The following VTN variants were observed in gnomAD, a reference collection of about 807,000 sequenced individuals.
The protein encoded by VTN is vitronectin, also known as complement S-protein.
VTN carries 45 observed loss-of-function variants against 55.9 expected under a neutral mutation model. The observed-to-expected ratio is 0.80, with a 90% CI of 0.63 to 1.03. The LOEUF is 1.03. Among genes scored for constraint, VTN ranks in the 50% least tolerant of loss-of-function variants. The pLI, the probability that VTN is intolerant of heterozygous loss-of-function variation, is 0.00. For synonymous variants in VTN, 238 were observed against 242.3 expected (o/e 0.98, Z 0.17); for missense variants, 589 against 638.2 (o/e 0.92, Z 0.83).
chr17:28,367,934 G>T lies in VTN; in HGVS notation c.1105C>A (p.Gln369Lys). 1.2e-6 allele frequency: 2 copies of T among 1,608,218 alleles called. No homozygotes were observed. Among genetic ancestry groups the T allele is most frequent in the East Asian group, 4.5e-5 (2 of 44,714 alleles). The change falls in exon 7 of 8, where the codon CAA becomes AAA. Residue 369 changes from glutamine to lysine, a missense_variant. By Grantham distance (53) the Gln-to-Lys change is moderately conservative. Transcript: ENST00000226218. ...TTGCGGTTGCGATGCCTAAACCTTT[G>T]TTTCTTGGCCAAGGAGGGGCGGGGT... ...MAPRPSLAKK[Q>K]RFRHRNRKGY...
chr17:28,369,735 C>CA lies in VTN; in HGVS notation c.300dup (p.Asp101Ter), dbSNP rs1555583688. The CA allele has an allele frequency of 1.2e-6, 2 of 1,613,814 alleles. No homozygotes were observed. On this transcript the variant is annotated frameshift_variant, in exon 3 of 8. Transcript: ENST00000226218. LOFTEE classifies it high-confidence loss of function. The surrounding 1 kb of genome is among the most constrained non-coding windows in gnomAD (Gnocchi z 5.3). The stretch of plus-strand genomic sequence containing the variant: ...TTCCCTTTGGACTGGGCCTGGAGGT[C>CA]AGAGGTCAGGGAGGGGCCCCCCACC...
intron 5 of VTN, 47 bp downstream of exon 5, chr17:28,368,825 C>T (rs782379172): frequency 5.0e-6 from 8 of 1,612,722 alleles, no homozygotes; most frequent in African/African-American, 1.3e-5. Context: ...GAAAGGAATC[C>T]AAGACTGCTC....
rs1199638972 is a variant in VTN, at chr17:28,369,565, A to G, written c.471T>C (p.Ser157=). The G allele has an allele frequency of 3.1e-6, 5 of 1,612,588 alleles. No individual in the cohort carries two copies. Among genetic ancestry groups the G allele is most frequent in the Admixed American group, 1.7e-5 (1 of 60,028 alleles). Residue 157 remains serine (S), a synonymous_variant, in exon 3 of 8, where the codon AGT becomes AGC. Transcript: ENST00000226218. This position sits in a 1 kb window ranked among gnomAD's most constrained non-coding sequence, Gnocchi z 5.3. ...PQPPAEEELC[S]GKPFDAFTDL... ...CGGTGAAGGCGTCGAAGGGCTTCCC[A>G]CTGCACAGCTCCTCCTCTGCTGGGG...
In VTN at chr17:28,368,517, A is replaced by G. The variant is rs1302626674; in HGVS notation, c.979+4T>C. 2 of 1,613,834 alleles carry G rather than the reference A, an allele frequency of 1.2e-6. No homozygotes were observed. The highest frequency in any genetic ancestry group is 1.7e-6 in the Non-Finnish European group (2 of 1,179,964). ...GAGAAGCAAGACTTGCCCTCTCTCC[A>G]TACCAGAGGTTCTGCCCCAGAAGAG... On this transcript the variant is annotated splice_donor_region_variant and intron_variant, in intron 6 of 7. Transcript: ENST00000226218.
intron 7 of VTN, 47 bp downstream of exon 7, chr17:28,367,659 GGGACAGCAA>G: frequency 1.3e-6 from 2 of 1,559,794 alleles, no homozygotes; most frequent in South Asian, 2.3e-5. Flanking sequence ...TTGTGCACCA[GGGACAGCAA>G]GGAAAACCCA....
In VTN at chr17:28,368,929, CTGCAT is replaced by C. The variant is rs781927346; in HGVS notation, c.764_768del (p.Asp255GlyfsTer8). 9.9e-6 allele frequency: 16 copies of C among 1,608,710 alleles called. No homozygotes were observed. Among genetic ancestry groups the C allele is most frequent in the African/African-American group, 1.3e-5 (1 of 74,508 alleles). ...TAGCTATGGGCAGGGAGGGCCAAGG[CTGCAT>C]CCACGTTGTCCGGGATGCCATCGAA... On this transcript the variant is annotated frameshift_variant, in exon 5 of 8. Coordinates refer to ENST00000226218, the MANE Select transcript of VTN (RefSeq NM_000638.4). LOFTEE classifies it high-confidence loss of function.
In VTN at chr17:28,367,884, G is replaced by C; in HGVS notation, c.1155C>G (p.His385Gln). The C allele has an allele frequency of 6.2e-7, 1 of 1,613,790 alleles. No homozygotes were observed. Among genetic ancestry groups the C allele is most frequent in the Non-Finnish European group, 8.5e-7 (1 of 1,179,834 alleles). ...NRKGYRSQRGHSRGRNQNSRR... is the reference protein window; with the variant it reads ...NRKGYRSQRGQSRGRNQNSRR... ...GGGAGTTCTGGTTGCGGCCACGGCT[G>C]TGGCCTCGTTGTGAACGGTAGCCTT... Residue 385 changes from histidine to glutamine, a missense_variant, in exon 7 of 8, where the codon CAC becomes CAG. Physicochemically the swap from His to Gln is conservative, Grantham distance 24. Transcript: ENST00000226218.
chr17:28,368,750 G>A (rs1294338659), intron 5 of VTN, 77 bp from the exon 6 acceptor site: 8 of 1,609,420 alleles, frequency 5.0e-6, no homozygotes, highest in Non-Finnish European at 6.8e-6. Flanking sequence ...TTGAAGTTAG[G>A]ATCTCCCAGC....
chr17:28,369,867 G>A lies in VTN; in HGVS notation c.185-16C>T. 6.2e-7 allele frequency: 1 copy of A among 1,612,220 alleles called. No homozygotes were observed. Among genetic ancestry groups the A allele is most frequent in the Non-Finnish European group, 8.5e-7 (1 of 1,178,506 alleles). ...CCGCGAGTCACTGCAGAGAGTGGAT[G>A]GTAGTGAGTCTCCAGCAGCAGGGGG... is the stretch of plus-strand genomic sequence containing the variant. On this transcript the variant is annotated splice_polypyrimidine_tract_variant and intron_variant, in intron 2 of 7. Transcript: ENST00000226218. This position sits in a 1 kb window ranked among gnomAD's most constrained non-coding sequence, Gnocchi z 5.3.
In VTN at chr17:28,370,052, AG is replaced by A; in HGVS notation, c.65-7del. ...GCAGCGGCCCTTGCATGACTCTATGAGGAAGGAGTGTCAGTCGGTGCCACCA... is the reference window on the plus strand; with the variant it reads ...GCAGCGGCCCTTGCATGACTCTATGAGAAGGAGTGTCAGTCGGTGCCACCA... On this transcript the variant is annotated splice_region_variant and splice_polypyrimidine_tract_variant and intron_variant, in intron 1 of 7. Transcript: ENST00000226218. 1 of 1,614,090 alleles carries A rather than the reference AG, an allele frequency of 6.2e-7. No homozygotes were observed. Among genetic ancestry groups the A allele is most frequent in the South Asian group, 1.1e-5 (1 of 91,082 alleles).
In VTN at chr17:28,369,358, C is replaced by G. The variant is rs371982238; in HGVS notation, c.600G>C (p.Trp200Cys). Reference sequence around the variant, plus strand: ...CGGCATCGATGGGGCCCTCGATGCCCCAGACATCTCGGATGAGCTTGGGGT... The same window carrying G: ...CGGCATCGATGGGGCCCTCGATGCCGCAGACATCTCGGATGAGCTTGGGGT... The part of the protein sequence containing the change: ...PGYPKLIRDV[W>C]GIEGPIDAAF... Residue 200 changes from tryptophan to cysteine, a missense_variant, in exon 4 of 8, where the codon TGG (tryptophan) becomes TGC (cysteine). Transcript: ENST00000226218. This position sits in a 1 kb window ranked among gnomAD's most constrained non-coding sequence, Gnocchi z 5.3. The G allele has an allele frequency of 2.1e-5, 33 of 1,607,446 alleles. No individual in the cohort carries two copies. The highest frequency in any genetic ancestry group is 1.6e-4 in the Middle Eastern group (1 of 6,064).
Position 28,369,363 on chromosome 17 carries a change from C to T in VTN, c.595G>A (p.Val199Ile), listed in dbSNP as rs1389657423. Residue 199 changes from valine (V) to isoleucine (I), a missense_variant, in exon 4 of 8, where the codon GTC (valine) becomes ATC (isoleucine). Physicochemically the swap from Val to Ile is conservative, Grantham distance 29 (BLOSUM62 3). This residue lies in a region of VTN where 38 missense variants were observed against 68.8 expected (regional missense o/e 0.55). Transcript: ENST00000226218. This position sits in a 1 kb window ranked among gnomAD's most constrained non-coding sequence, Gnocchi z 5.3. The stretch of plus-strand genomic sequence containing the variant: ...TCGATGGGGCCCTCGATGCCCCAGA[C>T]ATCTCGGATGAGCTTGGGGTACCCA... ...RPGYPKLIRD[V>I]WGIEGPIDAA... 6.2e-7 allele frequency: 1 copy of T among 1,607,720 alleles called. No individual in the cohort carries two copies. The highest frequency in any genetic ancestry group is 1.3e-5 in the African/African-American group (1 of 74,818).
intron 6 of VTN, among the ~76,000 whole-genome samples, 190 bp from the exon 7 acceptor site, chr17:28,368,249 G>A (rs559642143): frequency 4.0e-5 from 6 of 151,600 alleles, no homozygotes; most frequent in Admixed American, 6.6e-5. Context: ...CTGGTGTCTC[G>A]ACCCCACCCC....
Position 28,369,013 on chromosome 17 carries a change from G to T in VTN, c.685C>A (p.Arg229Ser). Residue 229 changes from arginine (R) to serine (S), a missense_variant, in exon 5 of 8, where the codon CGC becomes AGC. Around this residue, in one of 3 missense-constraint regions of VTN, gnomAD observed 38 missense variants for 68.8 expected, o/e 0.55. Coordinates refer to ENST00000226218, the MANE Select transcript of VTN (RefSeq NM_000638.4). The surrounding 1 kb of genome is among the most constrained non-coding windows in gnomAD (Gnocchi z 5.3). The stretch of plus-strand genomic sequence containing the variant: ...GGGTCCAGGACACCATCCTCAAAGC[G>T]CCAGTACTGACTACCCTAAGAGGTG... Reference protein sequence around the residue: ...TYLFKGSQYWRFEDGVLDPDY... With the variant: ...TYLFKGSQYWSFEDGVLDPDY... 6.3e-7 allele frequency: 1 copy of T among 1,592,690 alleles called. No individual in the cohort carries two copies. The highest frequency in any genetic ancestry group is 8.5e-7 in the Non-Finnish European group (1 of 1,174,274).
rs1426253626 is a variant in VTN at position 28,369,099 on chromosome 17, T to G, written c.670-71A>C. The G allele has an allele frequency of 6.6e-6, 10 of 1,522,710 alleles. No individual in the cohort carries two copies. The highest frequency in any genetic ancestry group is 4.5e-5 in the Admixed American group (2 of 44,002). 94.3% of individuals were successfully genotyped at this position (1,522,710 alleles called of 1,614,324 possible). On this transcript the variant is annotated intron_variant, in intron 4 of 7. Transcript: ENST00000226218. The surrounding 1 kb of genome is among the most constrained non-coding windows in gnomAD (Gnocchi z 5.3). Reference sequence around the variant, plus strand: ...GGCACAGAGGCAGAGTCCCTTGCCCTAAGGCAGCCGTTCCCAGGTCCAGGT... The same window carrying G: ...GGCACAGAGGCAGAGTCCCTTGCCCGAAGGCAGCCGTTCCCAGGTCCAGGT...
In VTN at chr17:28,367,391, C is replaced by T. The variant is rs2142413799; in HGVS notation, c.1415G>A (p.Cys472Tyr). Reference protein sequence around the residue: ...PRSIAQYWLGCPAPGHL With the variant: ...PRSIAQYWLGYPAPGHL ...CTCCTACAGATGGCCAGGAGCTGGG[C>T]AGCCCAGCCAGTACTGAGCGATGGA... The change falls in exon 8 of 8, where the codon TGC becomes TAC. Residue 472 changes from cysteine (C) to tyrosine (Y), a missense_variant. Physicochemically the swap from Cys to Tyr is radical, Grantham distance 194. Around this residue, in one of 3 missense-constraint regions of VTN, gnomAD observed 334 missense variants for 328.2 expected, o/e 1.02. Coordinates refer to ENST00000226218, the MANE Select transcript of VTN (RefSeq NM_000638.4). 1.3e-6 allele frequency: 2 copies of T among 1,596,894 alleles called. No homozygotes were observed. Among genetic ancestry groups the T allele is most frequent in the East Asian group, 2.2e-5 (1 of 44,476 alleles).
Position 28,370,045 on chromosome 17 carries a change from C to G in VTN, c.66G>C (p.Glu22Asp). Residue 22 changes from glutamate (E) to aspartate (D), a missense_variant and splice_region_variant, in exon 2 of 8, where the codon GAG becomes GAC. Transcript: ENST00000226218. ...CCTCAGTGCAGCGGCCCTTGCATGA[C>G]TCTATGAGGAAGGAGTGTCAGTCGG... ...LLAWVALADQ[E>D]SCKGRCTEGF... The G allele has an allele frequency of 6.2e-7, 1 of 1,614,156 alleles. No homozygotes were observed. The highest frequency in any genetic ancestry group is 8.5e-7 in the Non-Finnish European group (1 of 1,180,024).
At position 28,369,084 on chromosome 17, in the gene VTN, C is replaced by CA; in HGVS notation, c.670-57dup. 1 of 1,536,940 alleles carries CA rather than the reference C, an allele frequency of 6.5e-7. No individual in the cohort carries two copies. Among genetic ancestry groups the CA allele is most frequent in the South Asian group, 1.3e-5 (1 of 77,370 alleles). ...GGAGGCCGCTGGCTGGGCACAGAGG[C>CA]AGAGTCCCTTGCCCTAAGGCAGCCG... On this transcript the variant is annotated intron_variant, in intron 4 of 7. Coordinates refer to ENST00000226218, the MANE Select transcript of VTN (RefSeq NM_000638.4). This position sits in a 1 kb window ranked among gnomAD's most constrained non-coding sequence, Gnocchi z 5.3.
chr17:28,367,306 G>T lies in VTN; in HGVS notation c.*63C>A. 8.5e-7 allele frequency: 1 copy of T among 1,173,794 alleles called. No individual in the cohort carries two copies. The highest frequency in any genetic ancestry group is 1.2e-6 in the Non-Finnish European group (1 of 824,212). The allele number at this position is 1,173,794 out of a possible 1,614,324, so 72.7% of individuals were successfully genotyped here. On this transcript the variant is annotated 3_prime_UTR_variant, in exon 8 of 8. Coordinates refer to ENST00000226218, the MANE Select transcript of VTN (RefSeq NM_000638.4). The stretch of plus-strand genomic sequence containing the variant: ...AACTCGGGGCTAAGGGACCTTTATT[G>T]GGCTGGGGGAAGGAGATGGGAGGAG...
Sources: allele counts gnomAD v4.1 joint callset (sites outside exome capture counted in the v4.1 genomes callset), GRCh38; gene constraint gnomAD v4.1.1; regional missense constraint gnomAD v4.1.1; non-coding constraint Gnocchi (gnomAD v3.1); transcripts MANE v1.5; gene names NCBI Gene and HGNC (gene_info 2026-07-23, HGNC 2026-07-21).